TRIM33: variants seen among roughly 807,000 people sequenced by gnomAD.
The protein encoded by TRIM33 is E3 ubiquitin-protein ligase TRIM33.
A neutral mutation model predicts 125.4 loss-of-function variants in TRIM33; 20 were observed. The observed-to-expected ratio is 0.16, with a 90% CI of 0.11 to 0.23. The LOEUF is 0.23. Among genes scored for constraint, TRIM33 ranks in the 10% least tolerant of loss-of-function variants. TRIM33 has a pLI of 1.00. For synonymous variants in TRIM33, 564 were observed against 513.9 expected, an observed-to-expected ratio of 1.10 and a Z score of -1.32; for missense variants, 920 against 1,411.4, an observed-to-expected ratio of 0.65 and a Z score of 5.58.
At chr1:114,409,113 T>A (rs535463852) in intron 12 of TRIM33, among the ~76,000 whole-genome samples, 7 of 152,366 alleles carry the variant, frequency 4.6e-5, no homozygotes, top group Admixed American at 2.6e-4. Context: ...TTTAAAAATA[T>A]GTTAATGTTG....
intron 4 of TRIM33, among the ~76,000 whole-genome samples, chr1:114,456,671 C>T (rs1261389336): frequency 1.3e-5 from 2 of 152,124 alleles, no homozygotes; most frequent in African/African-American, 4.8e-5. Flanking sequence ...ACTCTATCAC[C>T]ACAGGGTTAT....
intron 7 of TRIM33, 117 bp from the exon 8 acceptor site, chr1:114,427,411 G>T: frequency 1.6e-6 from 1 of 617,160 alleles, no homozygotes; most frequent in Non-Finnish European, 2.9e-6. Context: ...CCTCAGATTA[G>T]GCAGCATCAA....
intron 1 of TRIM33, among the ~76,000 whole-genome samples, chr1:114,489,760 A>G (rs1473344925): frequency 6.6e-6 from 1 of 152,006 alleles, no homozygotes; most frequent in African/African-American, 2.4e-5. Context: ...ATAAATAAAT[A>G]AATAAAAAAA....
chr1:114,425,780 T>C lies in TRIM33; in HGVS notation c.1421-57A>G, dbSNP rs142334021. The C allele has an allele frequency of 1.2e-3, 1,491 of 1,292,436 alleles. 9 individuals carry two copies. The African/African-American group carries it at 0.018, about 16-fold the overall frequency. The allele number at this position is 1,292,436 out of a possible 1,614,324, so 80.1% of individuals were successfully genotyped here. ...TAATCAACTAAATCATCTACTTTGT[T>C]GAGTAATCACCATGTTTTCCTCTTT... On this transcript the variant is annotated intron_variant, in intron 8 of 19. Coordinates refer to ENST00000358465, the MANE Select transcript of TRIM33 (RefSeq NM_015906.4).
At chr1:114,443,255 G>C (rs1471357716) in intron 4 of TRIM33, among the ~76,000 whole-genome samples, 2 of 151,932 alleles carry the variant, frequency 1.3e-5, no homozygotes, top group South Asian at 4.2e-4. Context: ...GTGGTGGCAT[G>C]CACCTGTAAT....
Position 114,427,874 on chromosome 1 carries a change from C to T in TRIM33, c.1176G>A (p.Gln392=). The part of the protein sequence containing the change: ...QQLENVTKER[Q]MKLLQQQNDI... ...CATTCTGCTGCTGTAGTAACTTCATCTGTCTTTCCTTTGTAACATTCTGAA... is the reference window on the plus strand; with the variant it reads ...CATTCTGCTGCTGTAGTAACTTCATTTGTCTTTCCTTTGTAACATTCTGAA... Residue 392 remains glutamine, a synonymous_variant, in exon 7 of 20, where the codon CAG becomes CAA. Transcript: ENST00000358465. The T allele has an allele frequency of 1.2e-6, 2 of 1,614,108 alleles. No individual in the cohort carries two copies. Among genetic ancestry groups the T allele is most frequent in the Non-Finnish European group, 1.7e-6 (2 of 1,179,980 alleles).
intron 11 of TRIM33, among the ~76,000 whole-genome samples, chr1:114,415,157 G>A (rs1194077097): frequency 6.6e-6 from 1 of 151,716 alleles, no homozygotes; most frequent in Non-Finnish European, 1.5e-5. Context: ...AAGATGCCCG[G>A]CTCATTTTTA....
chr1:114,468,491 G>A, intron 1 of TRIM33: 1 of 381,538 alleles, frequency 2.6e-6, no homozygotes, highest in South Asian at 2.2e-5. Context: ...CTGATGAAGA[G>A]AACAGTAGGG....
At chr1:114,466,510 C>G (rs1040231872) in intron 1 of TRIM33, among the ~76,000 whole-genome samples, 7 of 152,214 alleles carry the variant, frequency 4.6e-5, no homozygotes, top group East Asian at 1.9e-4. Flanking sequence ...TTTTGTATAC[C>G]TGAGGCTTTA....
intron 4 of TRIM33, among the ~76,000 whole-genome samples, chr1:114,458,921 A>G (rs776520142): frequency 1.2e-4 from 18 of 152,144 alleles, no homozygotes; most frequent in Non-Finnish European, 2.2e-4. Context: ...AATAGTTGTA[A>G]ATGTGTTGTA....
chr1:114,495,121 G>A (rs1652295093), intron 1 of TRIM33, among the ~76,000 whole-genome samples: 1 of 152,098 alleles, frequency 6.6e-6, no homozygotes, highest in African/African-American at 2.4e-5. Context: ...CACCATGTTG[G>A]CCAGGCTGGT....
At chr1:114,415,846 G>A (rs1652902054) in intron 11 of TRIM33, among the ~76,000 whole-genome samples, 1 of 151,670 alleles carries the variant, frequency 6.6e-6, no homozygotes, top group Admixed American at 6.6e-5. Context: ...CAGCTACTCT[G>A]GAGGCTGAGG....
chr1:114,478,146 T>G (rs1651087886), intron 1 of TRIM33, among the ~76,000 whole-genome samples: 1 of 152,196 alleles, frequency 6.6e-6, no homozygotes, highest in South Asian at 2.1e-4. Context: ...CTGCTAAAGT[T>G]TCAGGTAAAA....
At chr1:114,442,035 C>T (rs563126511) in intron 4 of TRIM33, among the ~76,000 whole-genome samples, 1 of 152,216 alleles carries the variant, frequency 6.6e-6, no homozygotes, top group Non-Finnish European at 1.5e-5. Context: ...ATTACGGAAC[C>T]AAATACTCAG....
chr1:114,475,837 T>C (rs532282463), intron 1 of TRIM33, among the ~76,000 whole-genome samples: 6 of 152,114 alleles, frequency 3.9e-5, no homozygotes, highest in South Asian at 2.1e-4. Flanking sequence ...ACCCCATCTC[T>C]AGAAAAACTT....
chr1:114,397,491 C>T lies in TRIM33; in HGVS notation c.*157G>A. ...AAGAATGTGTTTCTGTCCATTATTT[C>T]AATCTAATACTGTGTAAAAGCTATC... On this transcript the variant is annotated 3_prime_UTR_variant, in exon 20 of 20. Coordinates refer to ENST00000358465, the MANE Select transcript of TRIM33 (RefSeq NM_015906.4). The T allele has an allele frequency of 1.8e-6, 1 of 563,672 alleles. No individual in the cohort carries two copies. The highest frequency in any genetic ancestry group is 3.1e-6 in the Non-Finnish European group (1 of 322,916). 34.9% of individuals were successfully genotyped at this position (563,672 alleles called of 1,614,324 possible).
chr1:114,509,540 A>C (rs1653212483), intron 1 of TRIM33, among the ~76,000 whole-genome samples: 1 of 152,186 alleles, frequency 6.6e-6, no homozygotes, highest in South Asian at 2.1e-4. Flanking sequence ...GAGACTGTGA[A>C]ACCTTTATCT....
At chr1:114,398,862 T>G (rs1321863667) in intron 18 of TRIM33, among the ~76,000 whole-genome samples, 1 of 148,242 alleles carries the variant, frequency 6.7e-6, no homozygotes. Flanking sequence ...ATATAATACA[T>G]TTCTTCTCAA....
chr1:114,459,300 A>AT (rs1485674137), intron 4 of TRIM33, among the ~76,000 whole-genome samples: 10 of 152,244 alleles, frequency 6.6e-5, no homozygotes, highest in African/African-American at 2.4e-4. Flanking sequence ...TTAATCACGC[A>AT]TCCCTAAATA....
Sources: gnomAD v4.1 joint callset for allele counts (sites outside exome capture counted in the v4.1 genomes callset) on GRCh38, gnomAD v4.1.1 for gene constraint, MANE v1.5 for transcripts, NCBI Gene and HGNC (gene_info 2026-07-23, HGNC 2026-07-21) for gene names.